Variants in STK10 observed in about 807,000 individuals in gnomAD.
STK10 encodes serine/threonine kinase 10.
A neutral mutation model predicts 113.8 loss-of-function variants in STK10; 78 were observed. That is an observed-to-expected ratio of 0.69 (90% CI 0.57 to 0.83). The LOEUF (loss-of-function observed/expected upper bound fraction) is 0.83. Among genes scored for constraint, STK10 ranks in the 40% least tolerant of loss-of-function variants. The probability of loss-of-function intolerance (pLI) is 0.00; values close to 1 mark genes in which losing one functional copy is unlikely to be tolerated. For synonymous variants in STK10, 465 were observed against 494.7 expected (o/e 0.94, Z 0.80); for missense variants, 1,109 against 1,280.1 (o/e 0.87, Z 2.04).
intron 3 of STK10, among the ~76,000 whole-genome samples, chr5:172,123,335 C>G (rs1478589819): frequency 6.6e-6 from 1 of 152,234 alleles, no homozygotes; most frequent in Non-Finnish European, 1.5e-5. Flanking sequence ...CCTTTCACTG[C>G]TGCCACCAAC....
intron 18 of STK10, among the ~76,000 whole-genome samples, chr5:172,052,104 C>T (rs567934721): frequency 2.0e-5 from 3 of 152,166 alleles, no homozygotes; most frequent in African/African-American, 2.4e-5. Context: ...GAGGCTATCC[C>T]GTGACCCTGA....
chr5:172,068,068 C>T (rs932186758), intron 12 of STK10, among the ~76,000 whole-genome samples: 70 of 152,298 alleles, frequency 4.6e-4, no homozygotes, highest in African/African-American at 1.5e-3. Flanking sequence ...GGGCCGGGCG[C>T]GGTGGCTCAC....
At chr5:172,062,709 G>C (rs1581136166) in intron 13 of STK10, among the ~76,000 whole-genome samples, 1 of 152,218 alleles carries the variant, frequency 6.6e-6, no homozygotes, top group Non-Finnish European at 1.5e-5. Context: ...AATTCATAGG[G>C]AAAGCAGAAT....
intron 3 of STK10, 102 bp downstream of exon 3, chr5:172,127,271 G>A: frequency 7.9e-7 from 1 of 1,262,706 alleles, no homozygotes; most frequent in Non-Finnish European, 1.1e-6. Flanking sequence ...TGGAATGGGA[G>A]AGTGGAGGTC....
At chr5:172,174,419 G>A (rs1486146948) in intron 1 of STK10, among the ~76,000 whole-genome samples, 3 of 151,968 alleles carry the variant, frequency 2.0e-5, no homozygotes, top group African/African-American at 4.8e-5. Flanking sequence ...TGATCCACCC[G>A]CCTCGGCCTC....
At chr5:172,060,761 C>G (rs1358238117) in intron 14 of STK10, among the ~76,000 whole-genome samples, 1 of 152,212 alleles carries the variant, frequency 6.6e-6, no homozygotes, top group Non-Finnish European at 1.5e-5. Flanking sequence ...CCCTGCCTCA[C>G]AGTGTTAGGT....
chr5:172,164,152 C>T lies in STK10; in HGVS notation c.157-7364G>A, dbSNP rs190811389. 2.4e-3 allele frequency among the ~76,000 whole-genome samples: 348 copies of T among 145,330 alleles called. 1 individual carries two copies. The highest frequency in any genetic ancestry group is 8.7e-3 in the African/African-American group (335 of 38,684). On this transcript the variant is annotated intron_variant, in intron 1 of 18. Transcript: ENST00000176763. Reference sequence around the variant, plus strand: ...ACTTGAACCCGGGAGGCGGAGGTTGCAGTGAGCCAAGATAGCGCCATTGCA... The same window carrying T: ...ACTTGAACCCGGGAGGCGGAGGTTGTAGTGAGCCAAGATAGCGCCATTGCA...
chr5:172,149,559 C>CCCAAAGG (rs1554122697), intron 2 of STK10, among the ~76,000 whole-genome samples: 5 of 151,006 alleles, frequency 3.3e-5, no homozygotes, highest in South Asian at 4.2e-4. Flanking sequence ...CAACCGGGTG[C>CCCAAAGG]CCCAATCCAG....
At chr5:172,068,066 C>T (rs561517285) in intron 12 of STK10, among the ~76,000 whole-genome samples, 13 of 152,304 alleles carry the variant, frequency 8.5e-5, no homozygotes, top group Admixed American at 5.9e-4. Context: ...AAGGGCCGGG[C>T]GCGGTGGCTC....
chr5:172,153,260 T>C (rs1425606553), intron 2 of STK10, among the ~76,000 whole-genome samples: 1 of 136,880 alleles, frequency 7.3e-6, no homozygotes, highest in African/African-American at 3.2e-5. Flanking sequence ...CACTCCAGCC[T>C]GGGCAACAGG....
At chr5:172,184,147 T>C (rs1255190399) in intron 1 of STK10, among the ~76,000 whole-genome samples, 1 of 152,166 alleles carries the variant, frequency 6.6e-6, no homozygotes, top group Non-Finnish European at 1.5e-5. Flanking sequence ...CGTGTCAAAA[T>C]GGAATCTCTG....
At chr5:172,118,188 C>T (rs1769430615) in intron 3 of STK10, among the ~76,000 whole-genome samples, 1 of 152,114 alleles carries the variant, frequency 6.6e-6, no homozygotes, top group Non-Finnish European at 1.5e-5. Flanking sequence ...AAGGTTAAGC[C>T]ACTCGCTCAA....
rs1177266641 is a variant in STK10 at position 172,179,597 on chromosome 5, G to A, written c.156+8290C>T. ...AGTGTGAAATCAGACCCGCAGGGCT[G>A]TGGGCAGGGCCCCACGCAGAAGCCG... On this transcript the variant is annotated intron_variant, in intron 1 of 18. Coordinates refer to ENST00000176763, the MANE Select transcript of STK10 (RefSeq NM_005990.4). Among the ~76,000 whole-genome samples the A allele has an allele frequency of 2.1e-5, 3 of 144,052 alleles. No homozygotes were observed. In the East Asian group the frequency reaches 6.0e-4, roughly 29 times the overall value. 94.5% of individuals were successfully genotyped at this position (144,052 alleles called of 152,430 possible).
At position 172,044,771 on chromosome 5, in the gene STK10, G is replaced by A. The variant is rs1767460200; in HGVS notation, c.*111C>T. On this transcript the variant is annotated 3_prime_UTR_variant, in exon 19 of 19. Coordinates refer to ENST00000176763, the MANE Select transcript of STK10 (RefSeq NM_005990.4). The surrounding 1 kb of genome is among the most constrained non-coding windows in gnomAD (Gnocchi z 4.5). Reference sequence around the variant, plus strand: ...TGGCACAGGGCGAGGGGCTGGATTTGAGCTGGCACAGACGCAAGAGGGAAA... The same window carrying A: ...TGGCACAGGGCGAGGGGCTGGATTTAAGCTGGCACAGACGCAAGAGGGAAA... 1 of 1,571,238 alleles carries A rather than the reference G, an allele frequency of 6.4e-7. No individual in the cohort carries two copies. Among genetic ancestry groups the A allele is most frequent in the Non-Finnish European group, 8.7e-7 (1 of 1,152,612 alleles).
chr5:172,060,230 G>A (rs2113701036), intron 14 of STK10, among the ~76,000 whole-genome samples: 1 of 152,142 alleles, frequency 6.6e-6, no homozygotes, highest in South Asian at 2.1e-4. Context: ...CAACACAGAA[G>A]ACCCCATTTA....
intron 12 of STK10, among the ~76,000 whole-genome samples, chr5:172,080,092 A>G (rs1161069345): frequency 6.6e-6 from 1 of 151,848 alleles, no homozygotes; most frequent in African/African-American, 2.4e-5. Flanking sequence ...AATATTTCAC[A>G]TTTTTTCATT....
chr5:172,082,930 C>T lies in STK10; in HGVS notation c.1809+31G>A. The T allele has an allele frequency of 1.2e-6, 2 of 1,609,914 alleles. No individual in the cohort carries two copies. The highest frequency in any genetic ancestry group is 1.7e-6 in the Non-Finnish European group (2 of 1,178,516). ...GAGAGAACACCTGGAGGCAAGAAGC[C>T]CTGCAGGGTCCCATCTTTTCTCGCA... On this transcript the variant is annotated intron_variant, in intron 11 of 18. Coordinates refer to ENST00000176763, the MANE Select transcript of STK10 (RefSeq NM_005990.4). This position sits in a 1 kb window ranked among gnomAD's most constrained non-coding sequence, Gnocchi z 4.3.
intron 18 of STK10, among the ~76,000 whole-genome samples, chr5:172,049,503 T>C (rs954991233): frequency 4.0e-5 from 6 of 151,642 alleles, no homozygotes; most frequent in South Asian, 2.1e-4. Flanking sequence ...ATTTGGGTAC[T>C]GAAATCTGCT....
chr5:172,071,297 A>AAAG (rs529218034), intron 12 of STK10, among the ~76,000 whole-genome samples: 12,792 of 128,028 alleles, frequency 0.1, 1,249 homozygotes, highest in East Asian at 0.21. Context: ...AAAAAAAAAA[A>AAAG]AAGAAGAAGA....
Sources: gnomAD v4.1 joint callset for allele counts (sites outside exome capture counted in the v4.1 genomes callset) on GRCh38, gnomAD v4.1.1 for gene constraint, Gnocchi (gnomAD v3.1) non-coding constraint, MANE v1.5 for transcripts, NCBI Gene and HGNC (gene_info 2026-07-23, HGNC 2026-07-21) for gene names.